The following GLI2 variants were observed in gnomAD, a reference collection of about 807,000 sequenced individuals.
The protein encoded by GLI2 is GLI family zinc finger 2, also known as transcription activator GLI2.
In GLI2, 22 loss-of-function variants were observed where a neutral mutation model predicts 78.9. The observed-to-expected ratio is 0.28, with a 90% confidence interval of 0.20 to 0.40. The LOEUF is 0.40. GLI2 is among the 10% of genes least tolerant of loss of function. The pLI, the probability that GLI2 is intolerant of heterozygous loss-of-function variation, is 1.00. For synonymous variants in GLI2, 974 were observed against 963.7 expected (o/e 1.01, Z -0.20); for missense variants, 2,097 against 2,213.2 (o/e 0.95, Z 1.05).
intron 2 of GLI2, among the ~76,000 whole-genome samples, chr2:120,851,949 T>C (rs1687425391): frequency 6.6e-6 from 1 of 152,146 alleles, no homozygotes. Flanking sequence ...GGAAGCAGGT[T>C]TGCAGAGAAT....
At chr2:120,923,288 CACATACACA>C (rs2104853790) in intron 2 of GLI2, among the ~76,000 whole-genome samples, 1 of 6,778 alleles carries the variant, frequency 1.5e-4, no homozygotes, top group South Asian at 8.6e-3. Context: ...GTACAACACA[CACATACACA>C]GCAATGCATA....
intron 2 of GLI2, among the ~76,000 whole-genome samples, chr2:120,883,909 A>G (rs1389263817): frequency 1.3e-5 from 2 of 152,096 alleles, no homozygotes; most frequent in African/African-American, 4.8e-5. Context: ...TCCAAGGAAA[A>G]TTGTCTGTGC....
intron 2 of GLI2, among the ~76,000 whole-genome samples, chr2:120,799,539 C>T (rs1684585787): frequency 6.6e-6 from 1 of 152,162 alleles, no homozygotes; most frequent in Admixed American, 6.5e-5. Context: ...AGCAGCTGTC[C>T]CTGCGTGGCG....
At chr2:120,869,012 G>A (rs1343005086) in intron 2 of GLI2, among the ~76,000 whole-genome samples, 1 of 152,222 alleles carries the variant, frequency 6.6e-6, no homozygotes, top group Non-Finnish European at 1.5e-5. Context: ...GTTGTGTGGG[G>A]ACATGGCTCT....
rs1025041993 is a variant in GLI2, at chr2:120,736,085, G to A, written c.-231G>A. On this transcript the variant is annotated 5_prime_UTR_variant, in exon 1 of 14. Coordinates refer to ENST00000361492, the MANE Select transcript of GLI2 (RefSeq NM_001374353.1). ...AGCCTCGGGGAGCCGCCTGCTCGCC[G>A]GCGGTAGGGGCTGCGCGGCGCCCGC... is the stretch of plus-strand genomic sequence containing the variant. 6.6e-6 allele frequency among the ~76,000 whole-genome samples: 1 copy of A among 151,120 alleles called. No individual in the cohort carries two copies. Among genetic ancestry groups the A allele is most frequent in the Non-Finnish European group, 1.5e-5 (1 of 67,700 alleles).
chr2:120,867,066 G>T (rs2104659821), intron 2 of GLI2: 1 of 152,450 alleles, frequency 6.6e-6, no homozygotes, highest in Middle Eastern at 3.4e-3. Flanking sequence ...GTGCGCCTTG[G>T]ACAAGTCTCC....
intron 1 of GLI2, among the ~76,000 whole-genome samples, chr2:120,748,575 C>T (rs773470094): frequency 7.2e-5 from 11 of 152,228 alleles, no homozygotes; most frequent in Admixed American, 5.2e-4. Flanking sequence ...GTGGTCCCCC[C>T]GGATGACTCC....
intron 2 of GLI2, among the ~76,000 whole-genome samples, chr2:120,910,059 G>GTGGGTCCCATTTCCCTC (rs1678739428): frequency 6.6e-6 from 1 of 152,190 alleles, no homozygotes; most frequent in Admixed American, 6.5e-5. Flanking sequence ...AGCTGGGGCT[G>GTGGGTCCCATTTCCCTC]TGGGTCCCAT....
chr2:120,760,096 C>T (rs1309139923), intron 1 of GLI2, among the ~76,000 whole-genome samples: 2 of 152,242 alleles, frequency 1.3e-5, no homozygotes, highest in Non-Finnish European at 2.9e-5. Context: ...GCCTCCCTCC[C>T]TGCAGTGTTG....
At chr2:120,925,648 C>T (rs961385066) in intron 2 of GLI2, among the ~76,000 whole-genome samples, 1 of 152,060 alleles carries the variant, frequency 6.6e-6, no homozygotes, top group South Asian at 2.1e-4. Flanking sequence ...GGTGAATGTG[C>T]AGGGGCTGGG....
chr2:120,970,453 G>T lies in GLI2; in HGVS notation c.906G>T (p.Gln302His), dbSNP rs375328592. 6 of 1,613,770 alleles carry T rather than the reference G, an allele frequency of 3.7e-6. No individual in the cohort carries two copies. The African/African-American group carries it at 5.3e-5, about 14-fold the overall frequency. Residue 302 changes from glutamine to histidine, a missense_variant, in exon 7 of 14, where the codon CAG (glutamine) becomes CAT (histidine). This residue lies in a region of GLI2 where 578 missense variants were observed against 612.0 expected (regional missense o/e 0.94). Coordinates refer to ENST00000361492, the MANE Select transcript of GLI2 (RefSeq NM_001374353.1). Reference protein sequence around the residue: ...NPVAYQQILSQQRGLGSAFGH... With the variant: ...NPVAYQQILSHQRGLGSAFGH... ...TGGCCTACCAGCAGATTCTGAGCCA[G>T]CAGAGGGGTCTGGGGTCAGCCTTTG...
chr2:120,945,424 G>C (rs971701786), intron 3 of GLI2, among the ~76,000 whole-genome samples: 1 of 152,194 alleles, frequency 6.6e-6, no homozygotes, highest in African/African-American at 2.4e-5. Flanking sequence ...GCCACTGTGG[G>C]CAGGATGTCC....
At chr2:120,767,298 C>T (rs147037483) in intron 1 of GLI2, among the ~76,000 whole-genome samples, 2,322 of 140,304 alleles carry the variant, frequency 0.017, 54 homozygotes, top group African/African-American at 0.056. Flanking sequence ...AGTGAGAGGC[C>T]GGGCTCTTGG....
intron 2 of GLI2, among the ~76,000 whole-genome samples, chr2:120,854,147 G>T (rs1366578623): frequency 6.6e-6 from 1 of 152,188 alleles, no homozygotes; most frequent in Non-Finnish European, 1.5e-5. Flanking sequence ...AGAGAGGTAA[G>T]AGCACAAAAG....
chr2:120,782,982 G>A (rs112389249), intron 1 of GLI2, among the ~76,000 whole-genome samples: 84 of 152,328 alleles, frequency 5.5e-4, no homozygotes, highest in African/African-American at 1.9e-3. Context: ...CCATCAGTGG[G>A]CCATTGATTG....
intron 1 of GLI2, among the ~76,000 whole-genome samples, chr2:120,774,116 T>C (rs1172869277): frequency 3.9e-5 from 6 of 152,040 alleles, no homozygotes; most frequent in Admixed American, 3.9e-4. Flanking sequence ...TTGGAGGCAG[T>C]GTGGATGCGG....
intron 2 of GLI2, among the ~76,000 whole-genome samples, chr2:120,922,354 T>A (rs1214731674): frequency 6.6e-6 from 1 of 152,192 alleles, no homozygotes; most frequent in African/African-American, 2.4e-5. Context: ...GCTGGCCTTA[T>A]ACATCCCTGT....
At chr2:120,906,353 A>G (rs1448839690) in intron 2 of GLI2, among the ~76,000 whole-genome samples, 1 of 152,042 alleles carries the variant, frequency 6.6e-6, no homozygotes, top group South Asian at 2.1e-4. Context: ...CATGGGGTTC[A>G]CCCTCTCCTG....
chr2:120,789,580 T>G (rs1474045387), intron 1 of GLI2, among the ~76,000 whole-genome samples: 1 of 152,242 alleles, frequency 6.6e-6, no homozygotes, highest in East Asian at 1.9e-4. Context: ...AACTCACTGC[T>G]GCTTATTTGA....
Sources: gnomAD v4.1 joint callset for allele counts (sites outside exome capture counted in the v4.1 genomes callset) on GRCh38, gnomAD v4.1.1 for gene constraint, gnomAD v4.1.1 regional missense constraint, MANE v1.5 for transcripts, NCBI Gene and HGNC (gene_info 2026-07-23, HGNC 2026-07-21) for gene names.